Variants in CNTNAP2 observed in about 807,000 individuals in gnomAD.
CNTNAP2 encodes the protein contactin associated protein 2.
Under a neutral mutation model 155.2 loss-of-function variants are expected in CNTNAP2, and 98 were observed. The ratio of observed to expected loss-of-function variants is 0.63; its 90% CI spans 0.54 to 0.75. CNTNAP2 has a LOEUF of 0.75. Among genes scored for constraint, CNTNAP2 ranks in the 30% least tolerant of loss-of-function variants. The probability of loss-of-function intolerance (pLI) is 0.00; values close to 1 mark genes in which losing one functional copy is unlikely to be tolerated. For missense variants in CNTNAP2, 1,727 were observed against 1,688.1 expected, an observed-to-expected ratio of 1.02 and a Z score of -0.40; for synonymous variants, 651 against 631.2, an observed-to-expected ratio of 1.03 and a Z score of -0.47.
chr7:147,064,021 T>C (rs1226118106), intron 4 of CNTNAP2, among the ~76,000 whole-genome samples: 1 of 152,188 alleles, frequency 6.6e-6, no homozygotes, highest in Non-Finnish European at 1.5e-5. Context: ...GGACAACTCA[T>C]CGAAATCAAT....
intron 1 of CNTNAP2, among the ~76,000 whole-genome samples, chr7:146,527,498 T>C (rs17170130): frequency 0.31 from 46,654 of 150,342 alleles, 7,516 homozygotes; most frequent in East Asian, 0.47. Context: ...ATGTCATATG[T>C]CTGGAATTTA....
At chr7:146,244,013 A>G (rs1799604676) in intron 1 of CNTNAP2, among the ~76,000 whole-genome samples, 2 of 152,032 alleles carry the variant, frequency 1.3e-5, no homozygotes, top group South Asian at 4.1e-4. Context: ...GTAAGGGGTG[A>G]TATTGTGGGG....
At chr7:146,624,418 A>G (rs78236690) in intron 1 of CNTNAP2, among the ~76,000 whole-genome samples, 1 of 152,002 alleles carries the variant, frequency 6.6e-6, no homozygotes, top group African/African-American at 2.4e-5. Context: ...TGCACAAGAC[A>G]TATAGTTGGT....
Position 147,297,670 on chromosome 7 carries a change from A to G in CNTNAP2, c.1349-2471A>G, listed in dbSNP as rs1436598794. 2.6e-5 allele frequency among the ~76,000 whole-genome samples: 4 copies of G among 152,216 alleles called. No homozygotes were observed. The East Asian group carries it at 7.7e-4, about 29-fold the overall frequency. ...TTTAGTCAGTACTTTTCGTGAGTTC[A>G]AAAAGAACAGAAAGCTGTTATAGGG... On this transcript the variant is annotated intron_variant, in intron 8 of 23. Coordinates refer to ENST00000361727, the MANE Select transcript of CNTNAP2 (RefSeq NM_014141.6).
chr7:148,152,855 C>T (rs1805324271), intron 17 of CNTNAP2, among the ~76,000 whole-genome samples: 1 of 151,730 alleles, frequency 6.6e-6, no homozygotes, highest in Non-Finnish European at 1.5e-5. Context: ...CCCGTCTCTA[C>T]TAAAAATACA....
chr7:148,191,833 C>T (rs578249525), intron 18 of CNTNAP2, among the ~76,000 whole-genome samples: 24 of 152,274 alleles, frequency 1.6e-4, no homozygotes, highest in Non-Finnish European at 2.9e-4. Context: ...TGGTCCATAA[C>T]AGTCAAGAAA....
At chr7:146,151,682 G>GTGTA (rs1373500780) in intron 1 of CNTNAP2, among the ~76,000 whole-genome samples, 1 of 74,140 alleles carries the variant, frequency 1.3e-5, no homozygotes, top group Non-Finnish European at 2.8e-5. Flanking sequence ...ATATATATAT[G>GTGTA]TATATATATA....
chr7:146,798,307 A>C (rs1252898884), intron 2 of CNTNAP2, among the ~76,000 whole-genome samples: 1 of 151,484 alleles, frequency 6.6e-6, no homozygotes, highest in Admixed American at 6.6e-5. Context: ...TTTTTGTGGC[A>C]GTGTCTCAAA....
chr7:147,282,787 G>T (rs62484998), intron 8 of CNTNAP2, among the ~76,000 whole-genome samples: 3 of 151,578 alleles, frequency 2.0e-5, no homozygotes, highest in Non-Finnish European at 4.4e-5. Context: ...GAAAGATGGG[G>T]GTCTCACTCT....
intron 13 of CNTNAP2, among the ~76,000 whole-genome samples, chr7:147,779,508 T>C (rs1360119222): frequency 6.6e-6 from 1 of 152,236 alleles, no homozygotes; most frequent in Non-Finnish European, 1.5e-5. Flanking sequence ...TTACTCTTTA[T>C]GCTTTGTCAG....
At chr7:146,625,692 T>C (rs1467683000) in intron 1 of CNTNAP2, among the ~76,000 whole-genome samples, 1 of 152,062 alleles carries the variant, frequency 6.6e-6, no homozygotes, top group East Asian at 1.9e-4. Flanking sequence ...CAAACAATTA[T>C]TTGGTTGTTA....
intron 21 of CNTNAP2, among the ~76,000 whole-genome samples, chr7:148,307,452 G>C (rs1037341478): frequency 1.2e-4 from 19 of 152,194 alleles, no homozygotes; most frequent in African/African-American, 4.3e-4. Flanking sequence ...GCAAGCATCT[G>C]TCCTTGGATA....
intron 14 of CNTNAP2, among the ~76,000 whole-genome samples, chr7:147,954,751 CAA>C (rs1161494714): frequency 6.6e-6 from 1 of 152,096 alleles, no homozygotes; most frequent in East Asian, 1.9e-4. Context: ...GTTCAGTATC[CAA>C]AGTGTGTTAG....
intron 1 of CNTNAP2, among the ~76,000 whole-genome samples, chr7:146,738,909 G>T (rs1240221046): frequency 6.6e-6 from 1 of 151,122 alleles, no homozygotes; most frequent in South Asian, 2.1e-4. Flanking sequence ...GTTAAGCTAG[G>T]TTATCCAATT....
intron 1 of CNTNAP2, among the ~76,000 whole-genome samples, chr7:146,221,516 C>A (rs1444033594): frequency 6.6e-6 from 1 of 152,020 alleles, no homozygotes; most frequent in Non-Finnish European, 1.5e-5. Context: ...TATTGATAAC[C>A]CTCCAGACCT....
At chr7:147,723,446 G>A (rs1355965815) in intron 13 of CNTNAP2, among the ~76,000 whole-genome samples, 4 of 152,016 alleles carry the variant, frequency 2.6e-5, no homozygotes, top group African/African-American at 9.7e-5. Context: ...GACAAGCACA[G>A]CTATGCTTTT....
chr7:146,609,461 G>C (rs1425202004), intron 1 of CNTNAP2, among the ~76,000 whole-genome samples: 1 of 152,160 alleles, frequency 6.6e-6, no homozygotes, highest in Non-Finnish European at 1.5e-5. Context: ...ATTCTGCTGT[G>C]AATACTGTGA....
chr7:146,712,133 T>TTATGTATACATATATGTATACATAAGA (rs1801093579), intron 1 of CNTNAP2, among the ~76,000 whole-genome samples: 3 of 121,902 alleles, frequency 2.5e-5, no homozygotes, highest in South Asian at 2.5e-4. Flanking sequence ...TATACATATC[T>TTATGTATACATATATGTATACATAAGA]TATGTATACT....
chr7:147,691,822 G>C (rs1048081444), intron 13 of CNTNAP2, among the ~76,000 whole-genome samples: 1 of 152,020 alleles, frequency 6.6e-6, no homozygotes. Flanking sequence ...TCCCACACCA[G>C]AGTGGCTTGA....
Sources: gnomAD v4.1 joint callset for allele counts (sites outside exome capture counted in the v4.1 genomes callset) on GRCh38, gnomAD v4.1.1 for gene constraint, MANE v1.5 for transcripts, NCBI Gene and HGNC (gene_info 2026-07-23, HGNC 2026-07-21) for gene names.